Variants in MACF1 observed in about 807,000 individuals in gnomAD.
MACF1 encodes microtubule-actin cross-linking factor 1.
A neutral mutation model predicts 854.8 loss-of-function variants in MACF1; 193 were observed. The observed-to-expected ratio is 0.23, with a 90% confidence interval of 0.20 to 0.25. The LOEUF (loss-of-function observed/expected upper bound fraction) is 0.25. MACF1 is among the 10% of genes least tolerant of loss of function. The pLI is 1.00. For missense variants in MACF1, 7,722 were observed against 8,929.1 expected (o/e 0.86, Z 5.45); for synonymous variants, 3,185 against 3,226.7 (o/e 0.99, Z 0.44).
At chr1:39,177,282 C>T (rs751849898) in intron 2 of MACF1, among the ~76,000 whole-genome samples, 2 of 152,144 alleles carry the variant, frequency 1.3e-5, no homozygotes, top group African/African-American at 2.4e-5. Context: ...GCCACCACGC[C>T]CAGCTAATTT....
At chr1:39,411,432 A>G (rs762159234) in intron 58 of MACF1, 19 of 1,613,788 alleles carry the variant, frequency 1.2e-5, no homozygotes, top group Admixed American at 3.3e-5. Context: ...TTGGCCACCT[A>G]TCTCTTGGTC....
At position 39,302,934 on chromosome 1, in the gene MACF1, G is replaced by C. The variant is rs1325023208; in HGVS notation, c.2645G>C (p.Cys882Ser). 1 of 1,613,466 alleles carries C rather than the reference G, an allele frequency of 6.2e-7. No homozygotes were observed. Among genetic ancestry groups the C allele is most frequent in the East Asian group, 2.2e-5 (1 of 44,874 alleles). Residue 882 changes from cysteine (C) to serine (S), a missense_variant, in exon 23 of 101, where the codon TGC becomes TCC. Transcript: ENST00000564288. ...CDYRQIEITI[C>S]KNDECVLEDN... ...AATTTATCTCTTCAGATTACTATTT[G>C]CAAAAATGATGAATGTGTGCTAGAA...
chr1:39,275,925 C>CTT (rs35766460), intron 6 of MACF1, among the ~76,000 whole-genome samples: 1 of 146,762 alleles, frequency 6.8e-6, no homozygotes, highest in African/African-American at 2.5e-5. Context: ...TCTTCTTCTT[C>CTT]TTTTTTTTTT....
At chr1:39,289,476 T>C (rs981259506) in intron 15 of MACF1, among the ~76,000 whole-genome samples, 1 of 152,156 alleles carries the variant, frequency 6.6e-6, no homozygotes, top group Non-Finnish European at 1.5e-5. Context: ...TGAGTTGCAT[T>C]TCTCTGATAA....
intron 2 of MACF1, among the ~76,000 whole-genome samples, chr1:39,095,941 G>A (rs950250546): frequency 1.9e-4 from 29 of 152,224 alleles, no homozygotes; most frequent in African/African-American, 7.0e-4. Context: ...GGCCAAGGCA[G>A]GAGAATCACT....
intron 52 of MACF1, among the ~76,000 whole-genome samples, chr1:39,375,188 A>G (rs1164783833): frequency 1.3e-5 from 2 of 152,300 alleles, no homozygotes; most frequent in East Asian, 3.9e-4. Context: ...ATGTTATTTT[A>G]TAGCATTTAT....
intron 58 of MACF1, among the ~76,000 whole-genome samples, chr1:39,390,575 T>C (rs1269381179): frequency 6.6e-6 from 1 of 152,242 alleles, no homozygotes; most frequent in Non-Finnish European, 1.5e-5. Context: ...CGTAAACCCG[T>C]GAAGCAGTGC....
At chr1:39,136,213 A>G (rs1366894010) in intron 2 of MACF1, among the ~76,000 whole-genome samples, 1 of 152,202 alleles carries the variant, frequency 6.6e-6, no homozygotes, top group Non-Finnish European at 1.5e-5. Context: ...AGGAGTTCCA[A>G]GTATAAAGAG....
chr1:39,391,221 T>A (rs377621862), intron 58 of MACF1, among the ~76,000 whole-genome samples: 2 of 152,346 alleles, frequency 1.3e-5, no homozygotes, highest in East Asian at 3.9e-4. Flanking sequence ...TGCATAAGTT[T>A]TTTTTAATGA....
chr1:39,481,757 T>C (rs545220334), intron 99 of MACF1, among the ~76,000 whole-genome samples: 5 of 152,332 alleles, frequency 3.3e-5, no homozygotes, highest in African/African-American at 1.2e-4. Flanking sequence ...CAGTTTGCAT[T>C]CCAGCTCCTA....
chr1:39,465,818 A>G (rs60036614), intron 95 of MACF1, among the ~76,000 whole-genome samples: 2,482 of 152,318 alleles, frequency 0.016, 74 homozygotes, highest in African/African-American at 0.057. Context: ...TGTTGATTTC[A>G]GGCCCTCAAA....
At chr1:39,305,764 T>A (rs1646160515) in intron 23 of MACF1, among the ~76,000 whole-genome samples, 2 of 152,304 alleles carry the variant, frequency 1.3e-5, no homozygotes, top group South Asian at 4.1e-4. Context: ...CACTCTGGTC[T>A]TTCCTCTGTT....
intron 6 of MACF1, among the ~76,000 whole-genome samples, chr1:39,271,673 G>A (rs967921009): frequency 1.4e-4 from 22 of 152,174 alleles, no homozygotes; most frequent in African/African-American, 5.3e-4. Context: ...TTGTACAACT[G>A]GCATTAAAAT....
chr1:39,483,744 A>G (rs1453680729), intron 99 of MACF1, among the ~76,000 whole-genome samples: 7 of 152,230 alleles, frequency 4.6e-5, no homozygotes, highest in Admixed American at 1.3e-4. Context: ...TCAGTCCCAC[A>G]GTCGTGTGCT....
intron 58 of MACF1, among the ~76,000 whole-genome samples, chr1:39,397,319 T>C (rs1337964447): frequency 6.6e-6 from 1 of 152,160 alleles, no homozygotes; most frequent in African/African-American, 2.4e-5. Flanking sequence ...CTCAGCACTT[T>C]GGGAGGCCGA....
chr1:39,287,134 T>C (rs1300292023), intron 14 of MACF1, 152 bp from the exon 15 acceptor site: 2 of 790,158 alleles, frequency 2.5e-6, no homozygotes, highest in Non-Finnish European at 3.9e-6. Context: ...CTAATTTTTG[T>C]ATTTTTAGTA....
intron 72 of MACF1, 48 bp from the exon 73 acceptor site, chr1:39,440,955 T>C: frequency 6.2e-7 from 1 of 1,610,280 alleles, no homozygotes; most frequent in Non-Finnish European, 8.5e-7. Flanking sequence ...TTTGGTAAGT[T>C]CTGTTCTGTT....
chr1:39,152,705 A>T (rs1441861148), intron 2 of MACF1, among the ~76,000 whole-genome samples: 2 of 152,238 alleles, frequency 1.3e-5, no homozygotes, highest in Non-Finnish European at 2.9e-5. Context: ...CATTGTTAGC[A>T]AAAGGCAGCT....
rs563132979 is a variant in MACF1 at position 39,110,814 on chromosome 1, C to T, written c.220+26376C>T. Among the ~76,000 whole-genome samples, 6 of 152,276 alleles carry T rather than the reference C, an allele frequency of 3.9e-5. No individual in the cohort carries two copies. In the East Asian group the frequency reaches 1.2e-3, roughly 29 times the overall value. Reference sequence around the variant, plus strand: ...AATACAAACCAGGGAAATGCACCAGCGTAAGCCTATTATACTGGTATTTTT... The same window carrying T: ...AATACAAACCAGGGAAATGCACCAGTGTAAGCCTATTATACTGGTATTTTT... On this transcript the variant is annotated intron_variant, in intron 2 of 93. Transcript: ENST00000361689.
Sources: allele counts gnomAD v4.1 joint callset (sites outside exome capture counted in the v4.1 genomes callset), GRCh38; gene constraint gnomAD v4.1.1; transcripts MANE v1.5; gene names NCBI Gene and HGNC (gene_info 2026-07-23, HGNC 2026-07-21).